GRM1: variants seen among roughly 807,000 people sequenced by gnomAD.
The protein encoded by GRM1 is glutamate metabotropic receptor 1.
A neutral mutation model predicts 90.9 loss-of-function variants in GRM1; 33 were observed. The ratio of observed to expected loss-of-function variants is 0.36; its 90% confidence interval spans 0.28 to 0.49. GRM1 has a LOEUF of 0.49. GRM1 is among the 20% of genes least tolerant of loss of function. The probability of loss-of-function intolerance (pLI) is 0.99; values close to 1 mark genes in which losing one functional copy is unlikely to be tolerated. For missense variants in GRM1, 1,190 were observed against 1,534.3 expected, an observed-to-expected ratio of 0.78 and a Z score of 3.75; for synonymous variants, 700 against 613.2, an observed-to-expected ratio of 1.14 and a Z score of -2.09.
intron 2 of GRM1, among the ~76,000 whole-genome samples, chr6:146,247,154 G>A (rs556876142): frequency 2.0e-5 from 3 of 152,292 alleles, no homozygotes; most frequent in South Asian, 4.1e-4. Flanking sequence ...TCAGTAGGCA[G>A]CCGTGTTTAC....
intron 1 of GRM1, among the ~76,000 whole-genome samples, chr6:146,129,109 G>A (rs1473076993): frequency 1.3e-5 from 2 of 151,940 alleles, no homozygotes; most frequent in East Asian, 1.9e-4. Flanking sequence ...ACTGACTTGG[G>A]GTGAAAATTT....
intron 2 of GRM1, among the ~76,000 whole-genome samples, chr6:146,278,275 T>C (rs968179664): frequency 4.6e-5 from 7 of 152,210 alleles, no homozygotes; most frequent in Admixed American, 4.6e-4. Context: ...TTAATGTTGC[T>C]TTATATGTGA....
intron 1 of GRM1, among the ~76,000 whole-genome samples, chr6:146,040,154 AAAAG>A (rs762232862): frequency 1.3e-5 from 2 of 151,956 alleles, no homozygotes; most frequent in Non-Finnish European, 2.9e-5. Context: ...AAAAAGTAGA[AAAAG>A]AAACAGGAAG....
At chr6:146,075,501 G>A (rs1054219261) in intron 1 of GRM1, among the ~76,000 whole-genome samples, 2 of 152,192 alleles carry the variant, frequency 1.3e-5, no homozygotes, top group Non-Finnish European at 2.9e-5. Flanking sequence ...GGGGAGAACT[G>A]GAGTGGATTA....
intron 2 of GRM1, among the ~76,000 whole-genome samples, chr6:146,291,182 T>C (rs548139732): frequency 6.6e-6 from 1 of 152,214 alleles, no homozygotes; most frequent in South Asian, 2.1e-4. Context: ...TGGTATGCTT[T>C]TGCATATCAT....
At chr6:146,193,693 T>G (rs1779010092) in intron 2 of GRM1, among the ~76,000 whole-genome samples, 1 of 151,822 alleles carries the variant, frequency 6.6e-6, no homozygotes. Context: ...GTTCTTACCT[T>G]TTTTTTTAAC....
At chr6:146,156,360 C>G (rs9485047) in intron 1 of GRM1, among the ~76,000 whole-genome samples, 16,689 of 152,130 alleles carry the variant, frequency 0.11, 1,844 homozygotes, top group African/African-American at 0.28. Flanking sequence ...GAGCCAAGAT[C>G]GTGCCACTGC....
At chr6:146,222,642 C>A (rs1780107649) in intron 2 of GRM1, among the ~76,000 whole-genome samples, 6 of 152,056 alleles carry the variant, frequency 3.9e-5, no homozygotes, top group Admixed American at 3.9e-4. Flanking sequence ...GGCCCACTCA[C>A]GTTGGAAAGA....
At chr6:146,091,978 A>G (rs1384696470) in intron 1 of GRM1, among the ~76,000 whole-genome samples, 4 of 152,030 alleles carry the variant, frequency 2.6e-5, no homozygotes, top group African/African-American at 9.7e-5. Flanking sequence ...CCAGTATCTC[A>G]TCAGTTAACC....
intron 1 of GRM1, among the ~76,000 whole-genome samples, chr6:146,124,201 A>G (rs1186230606): frequency 6.6e-6 from 1 of 152,236 alleles, no homozygotes; most frequent in African/African-American, 2.4e-5. Flanking sequence ...GAACAATGTA[A>G]TGCTTTCCAA....
rs76227943 is a variant in GRM1 at position 146,053,866 on chromosome 6, G to A, written c.700+23649G>A. 3.4e-3 allele frequency among the ~76,000 whole-genome samples: 517 copies of A among 152,146 alleles called. 3 individuals are homozygous for A. Among genetic ancestry groups the A allele is most frequent in the African/African-American group, 0.011 (437 of 41,534 alleles). On this transcript the variant is annotated intron_variant, in intron 1 of 7. Coordinates refer to ENST00000282753, the MANE Select transcript of GRM1 (RefSeq NM_001278064.2). The stretch of plus-strand genomic sequence containing the variant: ...ATATGAATGTGCCTCAGTTTTAACT[G>A]AAGAGATAAGGAGGTTCCATATAAT...
intron 5 of GRM1, among the ~76,000 whole-genome samples, chr6:146,373,699 TG>T (rs1360007119): frequency 1.3e-5 from 2 of 152,200 alleles, no homozygotes; most frequent in East Asian, 1.9e-4. Context: ...TACTGATTTT[TG>T]TATGTTGATT....
chr6:146,149,242 C>T (rs1432966838), intron 1 of GRM1, among the ~76,000 whole-genome samples: 1 of 151,876 alleles, frequency 6.6e-6, no homozygotes, highest in Non-Finnish European at 1.5e-5. Flanking sequence ...CTAAAAGCCC[C>T]AAAATAAAAA....
chr6:146,080,482 C>G (rs1416969815), intron 1 of GRM1, among the ~76,000 whole-genome samples: 1 of 152,206 alleles, frequency 6.6e-6, no homozygotes, highest in Admixed American at 6.5e-5. Context: ...TTCTTCATTC[C>G]TCATACTAGA....
intron 1 of GRM1, among the ~76,000 whole-genome samples, chr6:146,131,098 G>A (rs1327516830): frequency 6.6e-6 from 1 of 152,066 alleles, no homozygotes; most frequent in Non-Finnish European, 1.5e-5. Context: ...TATGTTTCAG[G>A]AGTTAGAATA....
At chr6:146,316,927 G>T (rs1783994183) in intron 3 of GRM1, among the ~76,000 whole-genome samples, 2 of 152,254 alleles carry the variant, frequency 1.3e-5, no homozygotes, top group East Asian at 3.9e-4. Context: ...ATTTTTCTAA[G>T]AAAAATCTTA....
At chr6:146,062,349 A>C (rs1775702408) in intron 1 of GRM1, among the ~76,000 whole-genome samples, 1 of 126,486 alleles carries the variant, frequency 7.9e-6, no homozygotes, top group African/African-American at 2.7e-5. Flanking sequence ...GTTGGGGGGT[A>C]GGGGGCTAGG....
At chr6:146,295,738 T>TA (rs1389553171) in intron 2 of GRM1, among the ~76,000 whole-genome samples, 3 of 152,198 alleles carry the variant, frequency 2.0e-5, no homozygotes, top group Non-Finnish European at 4.4e-5. Context: ...TTTTCTTTTT[T>TA]AAAAAACTTT....
chr6:146,039,336 G>A (rs1445422994), intron 1 of GRM1, among the ~76,000 whole-genome samples: 2 of 151,986 alleles, frequency 1.3e-5, no homozygotes, highest in South Asian at 4.1e-4. Context: ...TTCAGTAAAA[G>A]CACTGACATA....
Sources: gnomAD v4.1 joint callset for allele counts (sites outside exome capture counted in the v4.1 genomes callset) on GRCh38, gnomAD v4.1.1 for gene constraint, MANE v1.5 for transcripts, NCBI Gene and HGNC (gene_info 2026-07-23, HGNC 2026-07-21) for gene names.